Variants in DICER1 observed in about 807,000 individuals in gnomAD.
DICER1 encodes the protein dicer 1, ribonuclease III.
In DICER1, 43 loss-of-function variants were observed where a neutral mutation model predicts 194.1. The observed-to-expected ratio is 0.22, with a 90% CI of 0.17 to 0.29. The LOEUF (loss-of-function observed/expected upper bound fraction) is 0.29, where lower values mean the gene tolerates loss of function less well. Among genes scored for constraint, DICER1 ranks in the 10% least tolerant of loss-of-function variants. DICER1 has a pLI of 1.00. For synonymous variants in DICER1, 832 were observed against 820.5 expected (o/e 1.01, Z -0.24); for missense variants, 1,608 against 2,317.0 (o/e 0.69, Z 6.28).
Position 95,147,815 on chromosome 14 carries a change from G to A in DICER1, c.-46+9415C>T, listed in dbSNP as rs545223556. On this transcript the variant is annotated intron_variant, in intron 1 of 26. Coordinates refer to ENST00000343455, the MANE Select transcript of DICER1 (RefSeq NM_177438.3). ...TGCTCCCGACCAATCAGTTAACTGG[G>A]GTTCCCACAACGCCCTCCTGGGATT... is the stretch of plus-strand genomic sequence containing the variant. Among the ~76,000 whole-genome samples the A allele has an allele frequency of 6.6e-5, 10 of 152,274 alleles. No homozygotes were observed. In the South Asian group the frequency reaches 2.1e-3, roughly 32 times the overall value.
rs1484737767 is a variant in DICER1, at chr14:95,095,909, T to C, written c.5011A>G (p.Lys1671Glu). 6.2e-7 allele frequency: 1 copy of C among 1,614,044 alleles called. No homozygotes were observed. Among genetic ancestry groups the C allele is most frequent in the Non-Finnish European group, 8.5e-7 (1 of 1,180,018 alleles). The change falls in exon 23 of 27, where the codon AAG becomes GAG. Residue 1671 changes from lysine (K) to glutamate (E), a missense_variant. Coordinates refer to ENST00000343455, the MANE Select transcript of DICER1 (RefSeq NM_177438.3). ...TTCTTGAATCTGTAGTTGATTTTCT[T>C]TTCAAAATTTTCAAACCCCGATATA... ...HLISGFENFE[K>E]KINYRFKNKA... is the part of the protein sequence containing the mutation.
At position 95,099,903 on chromosome 14, in the gene DICER1, T is replaced by C. The variant is rs1555368612; in HGVS notation, c.4083A>G (p.Lys1361=). ...VSNCNLYRLG[K]KKGLPSRMVV... The stretch of plus-strand genomic sequence containing the variant: ...CCATGCGGCTGGGTAGTCCCTTCTT[T>C]TTTCCAAGGCGATACAGATTACAGT... The change falls in exon 22 of 27, where the codon AAA becomes AAG. Residue 1361 remains lysine, a synonymous_variant. Transcript: ENST00000343455. The C allele has an allele frequency of 1.2e-6, 2 of 1,614,106 alleles. No homozygotes were observed. The highest frequency in any genetic ancestry group is 1.7e-5 in the Admixed American group (1 of 60,024).
intron 1 of DICER1, among the ~76,000 whole-genome samples, chr14:95,151,668 C>A (rs1402065349): frequency 6.6e-6 from 1 of 152,142 alleles, no homozygotes; most frequent in Admixed American, 6.5e-5. Context: ...AGCATCCCTA[C>A]AAAGCTATGA....
intron 1 of DICER1, among the ~76,000 whole-genome samples, chr14:95,151,582 C>T (rs2140455115): frequency 6.6e-6 from 1 of 152,284 alleles, no homozygotes; most frequent in African/African-American, 2.4e-5. Flanking sequence ...TGCCATATGC[C>T]CAGTGCTCAT....
intron 7 of DICER1, among the ~76,000 whole-genome samples, chr14:95,125,823 AG>A (rs1280128843): frequency 6.8e-6 from 1 of 147,476 alleles, no homozygotes; most frequent in Non-Finnish European, 1.5e-5. Flanking sequence ...AGAGAGAGAG[AG>A]GAAAAAAAGA....
chr14:95,101,681 T>A (rs1890891001), intron 21 of DICER1, among the ~76,000 whole-genome samples: 1 of 152,170 alleles, frequency 6.6e-6, no homozygotes, highest in African/African-American at 2.4e-5. Context: ...CCAGTCCACC[T>A]CAAGATCATC....
intron 11 of DICER1, among the ~76,000 whole-genome samples, chr14:95,113,975 A>T (rs1402718205): frequency 6.6e-6 from 1 of 152,254 alleles, no homozygotes; most frequent in Admixed American, 6.5e-5. Flanking sequence ...TAGAGAAAGG[A>T]GGTACAAAGA....
chr14:95,142,357 AGG>A (rs1410825402), intron 1 of DICER1, among the ~76,000 whole-genome samples: 2 of 152,144 alleles, frequency 1.3e-5, no homozygotes, highest in African/African-American at 4.8e-5. Flanking sequence ...GTGTTTTCTA[AGG>A]CTACCTCAGA....
chr14:95,110,800 C>G (rs1259611112), intron 14 of DICER1, among the ~76,000 whole-genome samples: 1 of 152,142 alleles, frequency 6.6e-6, no homozygotes, highest in Non-Finnish European at 1.5e-5. Context: ...ACAGATTGAG[C>G]TGGAAACACT....
intron 1 of DICER1, among the ~76,000 whole-genome samples, chr14:95,147,681 C>G (rs1895228110): frequency 6.6e-6 from 1 of 152,200 alleles, no homozygotes; most frequent in Admixed American, 6.5e-5. Flanking sequence ...TGAATTCCAA[C>G]ATTATCTACC....
chr14:95,092,330 G>A (rs1449201155), intron 24 of DICER1, among the ~76,000 whole-genome samples: 1 of 151,978 alleles, frequency 6.6e-6, no homozygotes, highest in East Asian at 1.9e-4. Flanking sequence ...TTATTTCCGA[G>A]GTAGCATAAT....
intron 1 of DICER1, among the ~76,000 whole-genome samples, chr14:95,135,173 G>A (rs568765060): frequency 2.6e-5 from 4 of 152,224 alleles, no homozygotes; most frequent in East Asian, 1.9e-4. Context: ...ATCCACTCTC[G>A]TGATACCTCC....
intron 6 of DICER1, 126 bp downstream of exon 6, chr14:95,129,346 C>G (rs1893748114): frequency 1.2e-6 from 1 of 850,062 alleles, no homozygotes; most frequent in Non-Finnish European, 1.9e-6. Context: ...TTACTCTTGC[C>G]CATTCCTTTT....
At chr14:95,114,852 C>T (rs1386276978) in intron 11 of DICER1, among the ~76,000 whole-genome samples, 2 of 152,122 alleles carry the variant, frequency 1.3e-5, no homozygotes, top group Non-Finnish European at 2.9e-5. Context: ...AAGAAAATAG[C>T]AGACAAACCC....
At chr14:95,142,555 T>C (rs1894887129) in intron 1 of DICER1, among the ~76,000 whole-genome samples, 1 of 152,196 alleles carries the variant, frequency 6.6e-6, no homozygotes, top group Non-Finnish European at 1.5e-5. Flanking sequence ...CACCCAACTA[T>C]TACAAAATTA....
At position 95,133,499 on chromosome 14, in the gene DICER1, G is replaced by A. The variant is rs769945134; in HGVS notation, c.-41C>T. The A allele has an allele frequency of 5.7e-6, 9 of 1,585,230 alleles. No homozygotes were observed. The Middle Eastern group carries it at 8.3e-4, about 146-fold the overall frequency. On this transcript the variant is annotated 5_prime_UTR_variant, in exon 2 of 27. Transcript: ENST00000343455. ...TTCATTGCATTTTTGTTCTAGCACA[G>A]CTTACTACAAAAGGGAAAAAGAATA... is the stretch of plus-strand genomic sequence containing the variant.
chr14:95,114,462 G>C (rs564537635), intron 11 of DICER1, among the ~76,000 whole-genome samples: 2 of 152,268 alleles, frequency 1.3e-5, no homozygotes, highest in African/African-American at 4.8e-5. Context: ...TGAATAAACG[G>C]AGAGAAGAAA....
At chr14:95,131,162 T>C (rs1893916036) in intron 4 of DICER1, among the ~76,000 whole-genome samples, 1 of 152,032 alleles carries the variant, frequency 6.6e-6, no homozygotes, top group African/African-American at 2.4e-5. Flanking sequence ...CCCGAGTACC[T>C]AGGACTACTA....
intron 1 of DICER1, among the ~76,000 whole-genome samples, chr14:95,145,588 A>C (rs1404685946): frequency 6.6e-6 from 1 of 152,174 alleles, no homozygotes; most frequent in Non-Finnish European, 1.5e-5. Flanking sequence ...TATATAAAAC[A>C]AGTATTTCAA....
Sources: gnomAD v4.1 joint callset for allele counts (sites outside exome capture counted in the v4.1 genomes callset) on GRCh38, gnomAD v4.1.1 for gene constraint, MANE v1.5 for transcripts, NCBI Gene and HGNC (gene_info 2026-07-23, HGNC 2026-07-21) for gene names.